The following KCTD1 variants were observed in gnomAD, a reference collection of about 807,000 sequenced individuals.
KCTD1 encodes potassium channel tetramerization domain containing 1, also known as BTB/POZ domain-containing protein KCTD1.
In KCTD1, 24 loss-of-function variants were observed where a neutral mutation model predicts 66.0. The ratio of observed to expected loss-of-function variants is 0.36; its 90% CI spans 0.26 to 0.51. KCTD1 has a LOEUF of 0.51. KCTD1 is among the 20% of genes least tolerant of loss of function. The probability of loss-of-function intolerance (pLI) is 0.95; values close to 1 mark genes in which losing one functional copy is unlikely to be tolerated. For synonymous variants in KCTD1, 511 were observed against 517.2 expected (o/e 0.99, Z 0.16); for missense variants, 943 against 1,205.2 (o/e 0.78, Z 3.22).
At chr18:26,465,462 C>T (rs1980676070) in intron 3 of KCTD1, among the ~76,000 whole-genome samples, 1 of 152,226 alleles carries the variant, frequency 6.6e-6, no homozygotes, top group Non-Finnish European at 1.5e-5. Flanking sequence ...CAGTTCTCAC[C>T]AGGCAGTCCC....
At chr18:26,537,313 A>G (rs926661419) in intron 1 of KCTD1, among the ~76,000 whole-genome samples, 12 of 152,242 alleles carry the variant, frequency 7.9e-5, no homozygotes, top group African/African-American at 2.9e-4. Flanking sequence ...CACAAAATAG[A>G]AGCCAATATT....
intron 1 of KCTD1, among the ~76,000 whole-genome samples, chr18:26,607,080 G>A (rs551868598): frequency 6.6e-6 from 1 of 152,194 alleles, no homozygotes; most frequent in Admixed American, 6.5e-5. Flanking sequence ...TGTTGCCCAG[G>A]CTAGAGTGCA....
intron 1 of KCTD1, among the ~76,000 whole-genome samples, chr18:26,523,580 G>A (rs548014855): frequency 9.2e-5 from 14 of 152,218 alleles, no homozygotes; most frequent in Non-Finnish European, 1.3e-4. Flanking sequence ...GAGCCCAGGT[G>A]TTCAAGGCCA....
chr18:26,596,095 G>A (rs1029333756), intron 1 of KCTD1, among the ~76,000 whole-genome samples: 12 of 152,150 alleles, frequency 7.9e-5, no homozygotes, highest in Admixed American at 3.9e-4. Flanking sequence ...AATCCTAATT[G>A]TAATGGACTG....
At position 26,547,188 on chromosome 18, in the gene KCTD1, T is replaced by C. The variant is rs1224483216; in HGVS notation, c.1349A>G (p.Asn450Ser). Residue 450 changes from asparagine to serine, a missense_variant, in exon 1 of 5, where the codon AAC (asparagine) becomes AGC (serine). Asn to Ser is a conservative substitution (Grantham distance 46). This residue lies in a region of KCTD1 where 79 missense variants were observed against 133.9 expected (regional missense o/e 0.59). Coordinates refer to ENST00000580059, the MANE Select transcript of KCTD1 (RefSeq NM_001142730.3). ...GATGGAGACGGCGCCGATGCAGTGG[T>C]TGGTGTAGGTCTTGGAGAGCTTGGC... ...KAAKLSKTYT[N>S]HCIGAVSIAT... 6.4e-7 allele frequency: 1 copy of C among 1,551,196 alleles called. No homozygotes were observed. Among genetic ancestry groups the C allele is most frequent in the Non-Finnish European group, 8.7e-7 (1 of 1,146,958 alleles).
At chr18:26,489,868 T>C (rs1032303298) in intron 2 of KCTD1, among the ~76,000 whole-genome samples, 3 of 152,206 alleles carry the variant, frequency 2.0e-5, no homozygotes, top group Non-Finnish European at 4.4e-5. Flanking sequence ...GTTAACGTTG[T>C]AAGAGATTAT....
Position 26,488,385 on chromosome 18 carries a change from CT to C in KCTD1, c.1989-11727del, listed in dbSNP as rs112537910. Among the ~76,000 whole-genome samples, 127 of 149,614 alleles carry C rather than the reference CT, an allele frequency of 8.5e-4. 2 individuals carry two copies. Among genetic ancestry groups the C allele is most frequent in the African/African-American group, 2.9e-3 (117 of 40,860 alleles). On this transcript the variant is annotated intron_variant, in intron 2 of 4. Transcript: ENST00000580059. Reference sequence around the variant, plus strand: ...AGTGGGATATACTTAAAAGAGCATTCTTTTTTTTTTCTTTTATATTGACTGT... The same window carrying C: ...AGTGGGATATACTTAAAAGAGCATTCTTTTTTTTTCTTTTATATTGACTGT...
intron 1 of KCTD1, among the ~76,000 whole-genome samples, chr18:26,505,735 T>A (rs1196945014): frequency 6.6e-6 from 1 of 151,780 alleles, no homozygotes; most frequent in East Asian, 1.9e-4. Flanking sequence ...TAATAACATT[T>A]TTTTGTAGAC....
chr18:26,639,908 C>T (rs1347278298), intron 1 of KCTD1, among the ~76,000 whole-genome samples: 1 of 152,178 alleles, frequency 6.6e-6, no homozygotes, highest in East Asian at 1.9e-4. Context: ...TCAATACACA[C>T]GTGCATCAGT....
intron 2 of KCTD1, among the ~76,000 whole-genome samples, chr18:26,491,113 TATGC>T (rs1361751086): frequency 2.0e-5 from 3 of 152,316 alleles, no homozygotes; most frequent in African/African-American, 7.2e-5. Context: ...TGTGTGAGTG[TATGC>T]ATGCATGCGT....
chr18:26,515,790 G>A (rs112329466), intron 1 of KCTD1, among the ~76,000 whole-genome samples: 4 of 152,220 alleles, frequency 2.6e-5, no homozygotes, highest in East Asian at 3.9e-4. Context: ...GATTACAGGC[G>A]TGAGCCACAA....
intron 1 of KCTD1, among the ~76,000 whole-genome samples, chr18:26,540,600 C>T (rs1000050156): frequency 6.6e-6 from 1 of 152,220 alleles, no homozygotes; most frequent in African/African-American, 2.4e-5. Context: ...TCCCCCACCT[C>T]CTACTCAACC....
intron 3 of KCTD1, among the ~76,000 whole-genome samples, chr18:26,474,018 A>G (rs1464094983): frequency 6.6e-6 from 1 of 152,176 alleles, no homozygotes; most frequent in Non-Finnish European, 1.5e-5. Context: ...GGGGCCCCTG[A>G]GCTTCTTATT....
At chr18:26,509,476 A>T (rs188905614) in intron 1 of KCTD1, among the ~76,000 whole-genome samples, 109 of 152,268 alleles carry the variant, frequency 7.2e-4, no homozygotes, top group African/African-American at 2.5e-3. Context: ...TACAATGCTC[A>T]AATCAGAATA....
At chr18:26,552,042 T>C (rs1348817086), upstream of KCTD1, among the ~76,000 whole-genome samples, 1 of 152,226 alleles carries the variant, frequency 6.6e-6, no homozygotes, top group Non-Finnish European at 1.5e-5. Flanking sequence ...GTCAGAACTC[T>C]CTAAACTATG....
At chr18:26,509,805 G>A (rs1983241822) in intron 1 of KCTD1, among the ~76,000 whole-genome samples, 1 of 152,220 alleles carries the variant, frequency 6.6e-6, no homozygotes, top group South Asian at 2.1e-4. Flanking sequence ...AAAAAGCCCT[G>A]TTCCTTCGGA....
upstream of KCTD1, among the ~76,000 whole-genome samples, chr18:26,640,989 A>G (rs747225358): frequency 1.7e-4 from 26 of 152,120 alleles, no homozygotes; most frequent in Non-Finnish European, 1.5e-5. Flanking sequence ...GGATAGGAAC[A>G]GGAAAGGGGG....
intron 1 of KCTD1, among the ~76,000 whole-genome samples, chr18:26,511,428 T>G (rs16942380): frequency 0.12 from 17,690 of 152,196 alleles, 1,267 homozygotes; most frequent in Non-Finnish European, 0.15. Flanking sequence ...TCTAAAACAT[T>G]GCAAGAGCAA....
At chr18:26,616,688 T>TA (rs33952397) in intron 1 of KCTD1, among the ~76,000 whole-genome samples, 2 of 33,548 alleles carry the variant, frequency 6.0e-5, no homozygotes, top group Non-Finnish European at 7.0e-5. Flanking sequence ...CCTGGCTAAT[T>TA]AAAAAAAAAA....
Sources: gnomAD v4.1 joint callset for allele counts (sites outside exome capture counted in the v4.1 genomes callset) on GRCh38, gnomAD v4.1.1 for gene constraint, gnomAD v4.1.1 regional missense constraint, MANE v1.5 for transcripts, NCBI Gene and HGNC (gene_info 2026-07-23, HGNC 2026-07-21) for gene names.